The following HAT1 variants were observed in gnomAD, a reference collection of about 807,000 sequenced individuals.
The protein encoded by HAT1 is histone acetyltransferase 1.
Under a neutral mutation model 56.6 loss-of-function variants are expected in HAT1, and 20 were observed. The observed-to-expected ratio is 0.35, with a 90% CI of 0.25 to 0.51. The LOEUF (loss-of-function observed/expected upper bound fraction) is 0.51. Ranked by LOEUF, HAT1 falls within the 20% of genes least tolerant of loss-of-function variation. The pLI is 0.95. For synonymous variants in HAT1, 146 were observed against 165.5 expected, an observed-to-expected ratio of 0.88 and a Z score of 0.91; for missense variants, 408 against 504.3, an observed-to-expected ratio of 0.81 and a Z score of 1.83.
At chr2:171,936,749 T>C (rs1558964674) in intron 2 of HAT1, among the ~76,000 whole-genome samples, 1 of 152,106 alleles carries the variant, frequency 6.6e-6, no homozygotes, top group South Asian at 2.1e-4. Flanking sequence ...ATTAAGCTTG[T>C]TTTTCAATTT....
At chr2:171,944,416 T>G (rs1420458655) in intron 2 of HAT1, among the ~76,000 whole-genome samples, 1 of 152,210 alleles carries the variant, frequency 6.6e-6, no homozygotes, top group African/African-American at 2.4e-5. Context: ...AAAGCTTGAT[T>G]AGATTTAAGA....
chr2:171,951,794 G>A (rs766023494), intron 3 of HAT1, among the ~76,000 whole-genome samples: 68 of 151,994 alleles, frequency 4.5e-4, no homozygotes, highest in Non-Finnish European at 9.4e-4. Context: ...TGAAAGTGGG[G>A]TGCTTGTATA....
intron 4 of HAT1, among the ~76,000 whole-genome samples, chr2:171,964,077 T>C (rs575948509): frequency 6.6e-6 from 1 of 152,304 alleles, no homozygotes; most frequent in African/African-American, 2.4e-5. Flanking sequence ...TCCTGAAATG[T>C]AACTGAATCA....
intron 2 of HAT1, among the ~76,000 whole-genome samples, chr2:171,946,396 A>T (rs1558968754): frequency 6.6e-6 from 1 of 152,114 alleles, no homozygotes; most frequent in Non-Finnish European, 1.5e-5. Context: ...TTTTTCCTTT[A>T]CTCATTGCAT....
chr2:171,976,278 A>G lies in HAT1; in HGVS notation c.945A>G (p.Ile315Met). The change falls in exon 9 of 11, where the codon ATA becomes ATG. Residue 315 changes from isoleucine to methionine, a missense_variant. Ile to Met is a conservative substitution (Grantham distance 10). Coordinates refer to ENST00000264108, the MANE Select transcript of HAT1 (RefSeq NM_003642.4). ...AAGGATTCAATGAAGATATGGTGAT[A>G]GAGGCACAACAGAAGTTCAAAATAA... is the stretch of plus-strand genomic sequence containing the variant. ...LMQGFNEDMVIEAQQKFKINK... is the reference protein window; with the variant it reads ...LMQGFNEDMVMEAQQKFKINK... The G allele has an allele frequency of 6.3e-7, 1 of 1,584,480 alleles. No homozygotes were observed. The highest frequency in any genetic ancestry group is 1.2e-5 in the South Asian group (1 of 85,378).
intron 8 of HAT1, among the ~76,000 whole-genome samples, chr2:171,970,480 A>T: frequency 7.4e-6 from 1 of 134,778 alleles, no homozygotes; most frequent in Admixed American, 7.7e-5. Context: ...TTAAATCAGT[A>T]TTAGCAATGC....
chr2:171,974,121 G>T (rs1427130180), intron 8 of HAT1, among the ~76,000 whole-genome samples: 2 of 139,198 alleles, frequency 1.4e-5, no homozygotes, highest in Non-Finnish European at 3.0e-5. Context: ...TGAGGCTGCC[G>T]TGAGCCAAGA....
At chr2:171,935,036 G>A (rs560129787) in intron 2 of HAT1, among the ~76,000 whole-genome samples, 119 of 151,552 alleles carry the variant, frequency 7.9e-4, no homozygotes, top group Admixed American at 1.8e-3. Flanking sequence ...GATTACAGGC[G>A]TGAGCCACCG....
intron 2 of HAT1, among the ~76,000 whole-genome samples, chr2:171,944,508 C>T (rs1474279754): frequency 6.6e-6 from 1 of 152,144 alleles, no homozygotes; most frequent in African/African-American, 2.4e-5. Context: ...CTGTGTGGGT[C>T]CACTTACACA....
intron 4 of HAT1, among the ~76,000 whole-genome samples, chr2:171,957,416 A>G (rs1365513814): frequency 6.6e-6 from 1 of 152,156 alleles, no homozygotes; most frequent in African/African-American, 2.4e-5. Flanking sequence ...CTGTTGTCCT[A>G]TGCCTGTCCT....
At chr2:171,954,547 G>A (rs555737397) in intron 4 of HAT1, among the ~76,000 whole-genome samples, 11 of 152,242 alleles carry the variant, frequency 7.2e-5, no homozygotes, top group African/African-American at 2.6e-4. Context: ...TTAGCTGGGC[G>A]CAGTGGTGCA....
At chr2:171,974,173 C>CAAAAAAAAA (rs1183466393) in intron 8 of HAT1, among the ~76,000 whole-genome samples, 134 of 45,402 alleles carry the variant, frequency 3.0e-3, no homozygotes, top group East Asian at 8.6e-3. Context: ...GACCCTGTCT[C>CAAAAAAAAA]AAAAAAAAAA....
chr2:171,926,483 C>T (rs560916513), intron 2 of HAT1, among the ~76,000 whole-genome samples: 2 of 151,764 alleles, frequency 1.3e-5, no homozygotes, highest in African/African-American at 4.8e-5. Context: ...TTAGTAGAGA[C>T]GGTTTCTCCA....
intron 2 of HAT1, among the ~76,000 whole-genome samples, chr2:171,944,258 T>A (rs995313374): frequency 6.6e-6 from 1 of 152,192 alleles, no homozygotes; most frequent in African/African-American, 2.4e-5. Context: ...TCCGTCCACA[T>A]GCAACTTTTC....
chr2:171,974,216 AAAAAG>A, intron 8 of HAT1, among the ~76,000 whole-genome samples: 1 of 96,100 alleles, frequency 1.0e-5, no homozygotes. Flanking sequence ...AGAAAAAAAA[AAAAAG>A]AAATATCTCC....
intron 3 of HAT1, among the ~76,000 whole-genome samples, chr2:171,952,324 G>T (rs1377169194): frequency 6.6e-6 from 1 of 152,156 alleles, no homozygotes; most frequent in African/African-American, 2.4e-5. Flanking sequence ...GAATATTAAG[G>T]CATAAATGTG....
intron 2 of HAT1, among the ~76,000 whole-genome samples, chr2:171,943,365 C>T (rs1687072535): frequency 8.7e-6 from 1 of 115,300 alleles, no homozygotes; most frequent in Non-Finnish European, 1.6e-5. Context: ...GAGCCGAGAT[C>T]ATGCAATTGC....
At chr2:171,929,815 G>T (rs938684398) in intron 2 of HAT1, among the ~76,000 whole-genome samples, 1 of 152,098 alleles carries the variant, frequency 6.6e-6, no homozygotes, top group Non-Finnish European at 1.5e-5. Context: ...TGTCAATATC[G>T]TACTGTCTGG....
At chr2:171,959,128 A>G (rs929162198) in intron 4 of HAT1, among the ~76,000 whole-genome samples, 4 of 152,232 alleles carry the variant, frequency 2.6e-5, no homozygotes, top group Non-Finnish European at 4.4e-5. Flanking sequence ...TGCAGATACA[A>G]AAGTGATTCT....
Sources: allele counts gnomAD v4.1 joint callset (sites outside exome capture counted in the v4.1 genomes callset), GRCh38; gene constraint gnomAD v4.1.1; transcripts MANE v1.5; gene names NCBI Gene and HGNC (gene_info 2026-07-23, HGNC 2026-07-21).